Variants in CNTN1 observed in about 807,000 individuals in gnomAD.
CNTN1 encodes contactin-1.
In CNTN1, 38 loss-of-function variants were observed where a neutral mutation model predicts 126.4. The observed-to-expected ratio is 0.30, with a 90% confidence interval of 0.23 to 0.39. The LOEUF (loss-of-function observed/expected upper bound fraction) is 0.39. Ranked by LOEUF, CNTN1 falls within the 10% of genes least tolerant of loss-of-function variation. The pLI is 1.00. For synonymous variants in CNTN1, 413 were observed against 422.6 expected, an observed-to-expected ratio of 0.98 and a Z score of 0.28; for missense variants, 1,009 against 1,248.4, an observed-to-expected ratio of 0.81 and a Z score of 2.89.
intron 18 of CNTN1, among the ~76,000 whole-genome samples, chr12:41,014,579 T>C (rs1371404300): frequency 6.6e-6 from 1 of 152,236 alleles, no homozygotes; most frequent in East Asian, 1.9e-4. Flanking sequence ...TTGATCATTG[T>C]AGTCTGGTAA....
At chr12:40,911,846 G>A (rs943493945) in intron 3 of CNTN1, among the ~76,000 whole-genome samples, 3 of 152,166 alleles carry the variant, frequency 2.0e-5, no homozygotes, top group Non-Finnish European at 4.4e-5. Context: ...TCGCTAGCAA[G>A]AGTAATGGCA....
chr12:40,900,145 C>G (rs575252918), intron 1 of CNTN1, among the ~76,000 whole-genome samples: 6 of 152,190 alleles, frequency 3.9e-5, no homozygotes, highest in Admixed American at 3.3e-4. Flanking sequence ...GGACGGCATG[C>G]ATTTTACAGA....
intron 1 of CNTN1, among the ~76,000 whole-genome samples, chr12:40,841,288 A>G (rs1309754207): frequency 2.0e-5 from 3 of 152,016 alleles, no homozygotes; most frequent in South Asian, 4.1e-4. Context: ...AATCAGTAAT[A>G]AAAAGTCTCT....
At chr12:40,747,213 A>T (rs1438750351) in intron 1 of CNTN1, among the ~76,000 whole-genome samples, 1 of 152,092 alleles carries the variant, frequency 6.6e-6, no homozygotes, top group Non-Finnish European at 1.5e-5. Flanking sequence ...TTACAAATGA[A>T]GTAATTATCA....
At chr12:40,860,212 A>G (rs1943068543) in intron 1 of CNTN1, among the ~76,000 whole-genome samples, 1 of 152,160 alleles carries the variant, frequency 6.6e-6, no homozygotes, top group Non-Finnish European at 1.5e-5. Context: ...TATAAAACTG[A>G]AAAAGATTAT....
intron 1 of CNTN1, among the ~76,000 whole-genome samples, chr12:40,893,179 T>C (rs907458281): frequency 6.6e-6 from 1 of 152,082 alleles, no homozygotes; most frequent in Admixed American, 6.5e-5. Context: ...ACTAGGTAGA[T>C]AATTATATCA....
At chr12:41,067,934 A>T (rs73126957) in intron 23 of CNTN1, among the ~76,000 whole-genome samples, 2,054 of 152,328 alleles carry the variant, frequency 0.013, 13 homozygotes, top group Middle Eastern at 0.024. Flanking sequence ...GATAAAAAAA[A>T]TTACAAGAAT....
intron 1 of CNTN1, among the ~76,000 whole-genome samples, chr12:40,737,679 A>C (rs1272009709): frequency 1.3e-5 from 2 of 152,000 alleles, no homozygotes; most frequent in Non-Finnish European, 2.9e-5. Context: ...CTACTTTGGC[A>C]GCAACCTCAC....
chr12:41,023,719 T>C (rs1948976839), intron 20 of CNTN1, among the ~76,000 whole-genome samples: 1 of 152,214 alleles, frequency 6.6e-6, no homozygotes, highest in African/African-American at 2.4e-5. Flanking sequence ...CAAATATTTT[T>C]AAAGTTTAAA....
intron 23 of CNTN1, among the ~76,000 whole-genome samples, chr12:41,059,968 G>C (rs1367372864): frequency 6.6e-6 from 1 of 152,086 alleles, no homozygotes; most frequent in African/African-American, 2.4e-5. Flanking sequence ...AAAGGCTTTG[G>C]TGAGCTGTGA....
intron 1 of CNTN1, among the ~76,000 whole-genome samples, chr12:40,873,751 C>G (rs1160684135): frequency 6.6e-6 from 1 of 152,116 alleles, no homozygotes; most frequent in African/African-American, 2.4e-5. Flanking sequence ...TAATTCAATT[C>G]TAAATTTCTC....
At chr12:41,060,442 T>C (rs141261646) in intron 23 of CNTN1, among the ~76,000 whole-genome samples, 1 of 152,306 alleles carries the variant, frequency 6.6e-6, no homozygotes, top group Non-Finnish European at 1.5e-5. Context: ...AAAAACTAAT[T>C]TGGAGAAGGC....
rs192858855 is a variant in CNTN1 at position 40,981,420 on chromosome 12, C to A, written c.1963+353C>A. ...AGCATTTATAGCATAGTATTTATGA[C>A]CCTTTTTATTTGGGTATATATGTAC... On this transcript the variant is annotated intron_variant, in intron 16 of 23. Transcript: ENST00000551295. Among the ~76,000 whole-genome samples, 215 of 151,990 alleles carry A rather than the reference C, an allele frequency of 1.4e-3. 2 individuals carry two copies. The highest frequency in any genetic ancestry group is 4.9e-3 in the African/African-American group (203 of 41,484).
chr12:40,872,269 A>G (rs888269652), intron 1 of CNTN1, among the ~76,000 whole-genome samples: 6 of 147,068 alleles, frequency 4.1e-5, no homozygotes, highest in African/African-American at 1.0e-4. Flanking sequence ...TGTTTTCCCT[A>G]TCATGATACA....
chr12:40,889,444 A>G (rs188670258), intron 1 of CNTN1, among the ~76,000 whole-genome samples: 1 of 152,196 alleles, frequency 6.6e-6, no homozygotes, highest in Admixed American at 6.5e-5. Flanking sequence ...ATACTAAGCA[A>G]TTTTTTTAGA....
At chr12:40,924,471 T>C (rs1257980248) in intron 5 of CNTN1, 86 bp from the exon 6 acceptor site, 1 of 758,844 alleles carries the variant, frequency 1.3e-6, no homozygotes, top group African/African-American at 1.7e-5. Flanking sequence ...CACGAATGAG[T>C]TATTTGCTGA....
chr12:40,854,650 C>G (rs1271235093), intron 1 of CNTN1, among the ~76,000 whole-genome samples: 1 of 152,044 alleles, frequency 6.6e-6, no homozygotes, highest in African/African-American at 2.4e-5. Context: ...TTTTCACTTC[C>G]GTTAACATTT....
intron 19 of CNTN1, among the ~76,000 whole-genome samples, chr12:41,018,041 G>T (rs1566153241): frequency 6.6e-6 from 1 of 150,942 alleles, no homozygotes; most frequent in South Asian, 2.1e-4. Context: ...CGTGAGCCGA[G>T]ATCAGGCCAT....
chr12:40,735,925 G>A (rs1475565253), intron 1 of CNTN1, among the ~76,000 whole-genome samples: 3 of 152,076 alleles, frequency 2.0e-5, no homozygotes, highest in Non-Finnish European at 4.4e-5. Flanking sequence ...GGTGGGGGAG[G>A]TAGGTCTCAT....
Sources: gnomAD v4.1 joint callset for allele counts (sites outside exome capture counted in the v4.1 genomes callset) on GRCh38, gnomAD v4.1.1 for gene constraint, MANE v1.5 for transcripts, NCBI Gene and HGNC (gene_info 2026-07-23, HGNC 2026-07-21) for gene names.